Variants in GRAP2 observed in about 807,000 individuals in gnomAD.
GRAP2 encodes the protein GRB2-related adapter protein 2.
In GRAP2, 31 loss-of-function variants were observed where a neutral mutation model predicts 43.5. The observed-to-expected ratio is 0.71, with a 90% CI of 0.54 to 0.96. GRAP2 has a LOEUF of 0.96. Among genes scored for constraint, GRAP2 ranks in the 40% least tolerant of loss-of-function variants. The probability of loss-of-function intolerance (pLI) is 0.00; values close to 1 mark genes in which losing one functional copy is unlikely to be tolerated. For synonymous variants in GRAP2, 156 were observed against 164.8 expected (o/e 0.95, Z 0.41); for missense variants, 371 against 424.4 (o/e 0.87, Z 1.11).
chr22:39,898,737 T>G (rs765493044), upstream of GRAP2, among the ~76,000 whole-genome samples: 1 of 152,030 alleles, frequency 6.6e-6, no homozygotes, highest in Non-Finnish European at 1.5e-5. Context: ...CATTTGAACT[T>G]AGGAGGTGGA....
chr22:39,943,578 G>A (rs898886024), intron 1 of GRAP2, among the ~76,000 whole-genome samples: 1 of 152,104 alleles, frequency 6.6e-6, no homozygotes. Flanking sequence ...TGCTGGAGGT[G>A]GTTTGGCTGC....
At chr22:39,938,062 G>T (rs1202712512) in intron 1 of GRAP2, among the ~76,000 whole-genome samples, 2 of 152,164 alleles carry the variant, frequency 1.3e-5, no homozygotes, top group African/African-American at 2.4e-5. Flanking sequence ...TAAGAAGAAG[G>T]AAGTGGCTGG....
intron 1 of GRAP2, among the ~76,000 whole-genome samples, chr22:39,944,386 G>A (rs951870205): frequency 3.3e-5 from 5 of 152,146 alleles, no homozygotes; most frequent in African/African-American, 9.7e-5. Context: ...TGCTTCAAGG[G>A]AAGAGTTTTT....
chr22:39,952,574 C>G (rs2066997965), intron 2 of GRAP2, among the ~76,000 whole-genome samples: 1 of 152,174 alleles, frequency 6.6e-6, no homozygotes, highest in African/African-American at 2.4e-5. Flanking sequence ...CCCTTGCCCC[C>G]TCAGCACACA....
intron 1 of GRAP2, among the ~76,000 whole-genome samples, chr22:39,917,744 G>A (rs1261077673): frequency 2.6e-5 from 4 of 152,206 alleles, no homozygotes; most frequent in African/African-American, 9.6e-5. Context: ...GAGCAGAATT[G>A]TGCATGCTCC....
intron 1 of GRAP2, among the ~76,000 whole-genome samples, chr22:39,904,039 T>C (rs2066508569): frequency 6.6e-6 from 1 of 152,242 alleles, no homozygotes; most frequent in Admixed American, 6.5e-5. Flanking sequence ...ACGAAGTGCA[T>C]GATGATAAAA....
intron 1 of GRAP2, among the ~76,000 whole-genome samples, chr22:39,923,538 G>T (rs1246957927): frequency 6.6e-6 from 1 of 152,092 alleles, no homozygotes; most frequent in Non-Finnish European, 1.5e-5. Context: ...CCACTAGAAG[G>T]TAAGCTTTCT....
chr22:39,925,522 C>G (rs925234911), intron 1 of GRAP2, among the ~76,000 whole-genome samples: 1 of 152,114 alleles, frequency 6.6e-6, no homozygotes, highest in Non-Finnish European at 1.5e-5. Flanking sequence ...TTGGAGCCCT[C>G]CAAGTCCACC....
chr22:39,924,488 G>A (rs565765151), intron 1 of GRAP2, among the ~76,000 whole-genome samples: 7 of 152,168 alleles, frequency 4.6e-5, no homozygotes, highest in Non-Finnish European at 8.8e-5. Flanking sequence ...ATCAACTGAG[G>A]TCAGGAGTTC....
At chr22:39,952,002 G>A (rs2066988021) in intron 2 of GRAP2, among the ~76,000 whole-genome samples, 1 of 150,858 alleles carries the variant, frequency 6.6e-6, no homozygotes, top group Non-Finnish European at 1.5e-5. Flanking sequence ...GTCAGAAAAT[G>A]AAGTACAAAG....
At position 39,972,668 on chromosome 22, in the gene GRAP2, G is replaced by C. The variant is rs561405331; in HGVS notation, c.*1584G>C. 2 of 152,366 alleles carry C rather than the reference G, an allele frequency of 1.3e-5. No homozygotes were observed. Among genetic ancestry groups the C allele is most frequent in the South Asian group, 4.1e-4 (2 of 4,828 alleles). 9.4% of individuals were successfully genotyped at this position (152,366 alleles called of 1,614,324 possible). The stretch of plus-strand genomic sequence containing the variant: ...AGAAGTGACTGCCAGTGTAGCACAA[G>C]CAGTGTCCCTTGTGACTGTGATTCT... On this transcript the variant is annotated 3_prime_UTR_variant, in exon 8 of 8. Transcript: ENST00000344138.
chr22:39,911,556 C>T (rs1398220958), intron 1 of GRAP2, among the ~76,000 whole-genome samples: 1 of 152,034 alleles, frequency 6.6e-6, no homozygotes, highest in African/African-American at 2.4e-5. Flanking sequence ...TCACAGGTAA[C>T]TTGTATAATA....
At chr22:39,927,694 C>G (rs1274404609) in intron 1 of GRAP2, among the ~76,000 whole-genome samples, 1 of 152,084 alleles carries the variant, frequency 6.6e-6, no homozygotes. Context: ...CCCATGACTA[C>G]TTGATAATGG....
Position 39,960,120 on chromosome 22 carries a change from T to G in GRAP2, c.236T>G (p.Phe79Cys), listed in dbSNP as rs1420483012. The G allele has an allele frequency of 6.2e-7, 1 of 1,613,244 alleles. No individual in the cohort carries two copies. The highest frequency in any genetic ancestry group is 1.3e-5 in the African/African-American group (1 of 75,032). Residue 79 changes from phenylalanine (F) to cysteine (C), a missense_variant, in exon 4 of 8, where the codon TTC becomes TGC. By Grantham distance (205) the Phe-to-Cys change is radical. Coordinates refer to ENST00000344138, the MANE Select transcript of GRAP2 (RefSeq NM_004810.4). The part of the protein sequence containing the change: ...ENLLMGKEVG[F>C]FIIRASQSSP... ...TTACTCATGGGCAAGGAGGTTGGCT[T>G]CTTCATCATCCGGGCCAGCCAGAGC...
At chr22:39,938,673 C>T (rs2066832444) in intron 1 of GRAP2, among the ~76,000 whole-genome samples, 3 of 152,220 alleles carry the variant, frequency 2.0e-5, no homozygotes, top group Admixed American at 1.3e-4. Flanking sequence ...CCTCTCCTGC[C>T]CACGCCTCGG....
chr22:39,965,857 C>T (rs2067166895), intron 4 of GRAP2, 133 bp from the exon 5 acceptor site: 5 of 779,150 alleles, frequency 6.4e-6, no homozygotes, highest in Non-Finnish European at 1.1e-5. Context: ...GGCCCACCTG[C>T]CCAGTGATGA....
rs2067043889 is a variant in GRAP2 at position 39,955,827 on chromosome 22, T to C, written c.87T>C (p.Ser29=). 6.5e-7 allele frequency: 1 copy of C among 1,535,572 alleles called. No homozygotes were observed. Among genetic ancestry groups the C allele is most frequent in the African/African-American group, 1.4e-5 (1 of 73,464 alleles). Residue 29 remains serine, a synonymous_variant, in exon 3 of 8, where the codon AGT becomes AGC. Transcript: ENST00000344138. ...CCTTTTCTTCCATGTAGATTTTAAG[T>C]AACCAAGAGGAGTGGTTTAAGGCGG... ...FHTGDVLKIL[S]NQEEWFKAEL...
chr22:39,949,541 AG>A (rs1447570401), intron 2 of GRAP2, among the ~76,000 whole-genome samples: 1 of 152,186 alleles, frequency 6.6e-6, no homozygotes, highest in Non-Finnish European at 1.5e-5. Flanking sequence ...ATATCTCTCA[AG>A]CAAGTCTCTT....
chr22:39,940,050 C>T (rs1209691357), intron 1 of GRAP2, among the ~76,000 whole-genome samples: 4 of 152,184 alleles, frequency 2.6e-5, no homozygotes, highest in Non-Finnish European at 4.4e-5. Context: ...AACTCCCACG[C>T]CACCCTCTGC....
Sources: allele counts gnomAD v4.1 joint callset (sites outside exome capture counted in the v4.1 genomes callset), GRCh38; gene constraint gnomAD v4.1.1; transcripts MANE v1.5; gene names NCBI Gene and HGNC (gene_info 2026-07-23, HGNC 2026-07-21).